The following NCOR2 variants were observed in gnomAD, a reference collection of about 807,000 sequenced individuals.
The protein encoded by NCOR2 is CTG repeat protein 26.
NCOR2 carries 81 observed loss-of-function variants against 262.9 expected under a neutral mutation model. The observed-to-expected ratio is 0.31, with a 90% CI of 0.26 to 0.37. NCOR2 has a LOEUF of 0.37. Among genes scored for constraint, NCOR2 ranks in the 10% least tolerant of loss-of-function variants. The pLI, the probability that NCOR2 is intolerant of heterozygous loss-of-function variation, is 1.00. For synonymous variants in NCOR2, 1,659 were observed against 1,559.3 expected (o/e 1.06, Z -1.51); for missense variants, 3,385 against 3,621.4 (o/e 0.93, Z 1.68).
rs1008797549 is a variant in NCOR2, at chr12:124,389,637, C to T, written c.1877-3750G>A. Reference sequence around the variant, plus strand: ...CTGGCCTGATGCTGCCGAGGCTGACCGAGCCCTCTGTCGGGGACTGTGGGT... The same window carrying T: ...CTGGCCTGATGCTGCCGAGGCTGACTGAGCCCTCTGTCGGGGACTGTGGGT... On this transcript the variant is annotated intron_variant, in intron 16 of 46. Coordinates refer to ENST00000405201, the Ensembl canonical transcript of NCOR2. This position sits in a 1 kb window ranked among gnomAD's most constrained non-coding sequence, Gnocchi z 4.4. 2.0e-5 allele frequency among the ~76,000 whole-genome samples: 3 copies of T among 152,176 alleles called. No individual in the cohort carries two copies. The highest frequency in any genetic ancestry group is 4.8e-5 in the African/African-American group (2 of 41,430).
chr12:124,489,255 TA>T (rs2047947652), intron 1 of NCOR2, among the ~76,000 whole-genome samples: 1 of 152,194 alleles, frequency 6.6e-6, no homozygotes, highest in South Asian at 2.1e-4. Flanking sequence ...ACATTAATCA[TA>T]AAAAACAACA....
At chr12:124,414,715 T>C (rs772550689) in intron 13 of NCOR2, among the ~76,000 whole-genome samples, 1 of 152,142 alleles carries the variant, frequency 6.6e-6, no homozygotes, top group Non-Finnish European at 1.5e-5. Context: ...CTCCTGGCAG[T>C]GGGCACCCTA....
At chr12:124,332,254 T>C (rs964107457) in intron 43 of NCOR2, 65 bp downstream of exon 45, 37 of 1,590,606 alleles carry the variant, frequency 2.3e-5, no homozygotes, top group Middle Eastern at 1.9e-4. Context: ...CGGCTCCAGC[T>C]GCCCAGGCAG....
At chr12:124,391,188 G>A (rs182358972) in intron 16 of NCOR2, among the ~76,000 whole-genome samples, 194 of 152,286 alleles carry the variant, frequency 1.3e-3, no homozygotes, top group Non-Finnish European at 2.4e-3. Context: ...ACTCCGAGGG[G>A]ACCACACCAC....
At chr12:124,541,986 C>A (rs2051380602) in intron 1 of NCOR2, among the ~76,000 whole-genome samples, 1 of 151,286 alleles carries the variant, frequency 6.6e-6, no homozygotes, top group Non-Finnish European at 1.5e-5. Context: ...AGGGGAGCCA[C>A]GTGCTCCAGT....
intron 16 of NCOR2, among the ~76,000 whole-genome samples, chr12:124,390,503 C>G (rs1211836441): frequency 6.6e-6 from 1 of 151,518 alleles, no homozygotes; most frequent in South Asian, 2.1e-4. Context: ...CCTGCCATCC[C>G]AGGGTTTGAT....
intron 9 of NCOR2, among the ~76,000 whole-genome samples, chr12:124,430,160 C>T (rs562884691): frequency 2.0e-5 from 3 of 152,304 alleles, no homozygotes; most frequent in East Asian, 1.9e-4. Context: ...ACCAATGAAT[C>T]GCCTTATCTG....
exon 30 of NCOR2, chr12:124,347,861 T>C: frequency 6.4e-7 from 1 of 1,569,194 alleles, no homozygotes; most frequent in Non-Finnish European, 8.6e-7. Flanking sequence ...TGCTGCTCTT[T>C]GAGGTGGTGG....
Position 124,347,992 on chromosome 12 carries a change from C to T in NCOR2, c.3986-81G>A, listed in dbSNP as rs143775787. ...AGTGACAGGGGTCAGTGTTTACAGCCGCCAGTGGTCATCCCCACGATGATG... is the reference window on the plus strand; with the variant it reads ...AGTGACAGGGGTCAGTGTTTACAGCTGCCAGTGGTCATCCCCACGATGATG... On this transcript the variant is annotated intron_variant, in intron 29 of 46. Coordinates refer to ENST00000405201, the Ensembl canonical transcript of NCOR2. 1.9e-4 allele frequency: 287 copies of T among 1,481,640 alleles called. No individual in the cohort carries two copies. The East Asian group carries it at 5.6e-3, about 29-fold the overall frequency. 91.8% of individuals were successfully genotyped at this position (1,481,640 alleles called of 1,614,324 possible). A position where few individuals can be genotyped will look rare whatever the true frequency, so the allele number is the denominator to read the frequency against.
intron 16 of NCOR2, among the ~76,000 whole-genome samples, chr12:124,392,830 TTCCTGCCTCGC>T (rs2041403655): frequency 6.6e-6 from 1 of 152,218 alleles, no homozygotes; most frequent in African/African-American, 2.4e-5. Flanking sequence ...CAATGGGTGG[TTCCTGCCTCGC>T]TCCTGTGAGA....
intron 8 of NCOR2, among the ~76,000 whole-genome samples, chr12:124,435,848 C>G (rs1427184560): frequency 6.6e-6 from 1 of 152,210 alleles, no homozygotes; most frequent in Non-Finnish European, 1.5e-5. Context: ...CTCAGCTCCA[C>G]CACTTCCCAG....
rs837948 is a variant in NCOR2 at position 124,517,979 on chromosome 12, G to A, written c.-118+17586C>T. 0.28 allele frequency among the ~76,000 whole-genome samples: 42,465 copies of A among 151,658 alleles called. 6,930 individuals carry two copies. The highest frequency in any genetic ancestry group is 0.46 in the East Asian group (2,357 of 5,078). On this transcript the variant is annotated intron_variant, in intron 1 of 46. Coordinates refer to the NCOR2 transcript ENST00000404621. The surrounding 1 kb of genome is among the most constrained non-coding windows in gnomAD (Gnocchi z 7.6). ...GGCCACCACCTCCAGCGACAGAACT[G>A]GGGCTCTTTCCAGATGAATTCCTCG...
chr12:124,324,753 T>C (rs1341641537), exon 47 of NCOR2: 1 of 152,562 alleles, frequency 6.6e-6, no homozygotes, highest in Non-Finnish European at 1.5e-5. Context: ...ATCATTTACA[T>C]CTGCCTTTCC....
chr12:124,340,048 C>A (rs2036323806), exon 37 of NCOR2: 2 of 1,612,744 alleles, frequency 1.2e-6, no homozygotes, highest in African/African-American at 1.3e-5. Flanking sequence ...GGTGATGATA[C>A]CCTTCATGCC....
At chr12:124,345,920 C>A (rs1566373532) in intron 31 of NCOR2, among the ~76,000 whole-genome samples, 1 of 152,152 alleles carries the variant, frequency 6.6e-6, no homozygotes, top group Admixed American at 6.5e-5. Flanking sequence ...CAGTGGCCTT[C>A]AGGGGCTTTC....
At chr12:124,329,360 C>T (rs2034981874) in intron 44 of NCOR2, among the ~76,000 whole-genome samples, 2 of 151,884 alleles carry the variant, frequency 1.3e-5, no homozygotes, top group Admixed American at 1.3e-4. Context: ...ACTTGGGAGG[C>T]TGAGGTGGAA....
chr12:124,343,011 C>T (rs1174763984), exon 33 of NCOR2: 1 of 1,610,872 alleles, frequency 6.2e-7, no homozygotes, highest in South Asian at 1.1e-5. Flanking sequence ...TCACCTGCGT[C>T]CAGAGGGATG....
intron 1 of NCOR2, among the ~76,000 whole-genome samples, chr12:124,558,151 A>G (rs1466273235): frequency 2.0e-5 from 3 of 152,056 alleles, no homozygotes; most frequent in African/African-American, 4.8e-5. Flanking sequence ...CAATGTGAGG[A>G]CAAACAGAGT....
chr12:124,479,013 T>C (rs1147288), intron 3 of NCOR2, among the ~76,000 whole-genome samples: 147,578 of 152,232 alleles, frequency 0.97, 71,606 homozygotes, highest in East Asian at 1. Flanking sequence ...GGAGACCCTC[T>C]AGAACCCACA....
Sources: allele counts gnomAD v4.1 joint callset (sites outside exome capture counted in the v4.1 genomes callset), GRCh38; gene constraint gnomAD v4.1.1; non-coding constraint Gnocchi (gnomAD v3.1); transcripts MANE v1.5; gene names NCBI Gene and HGNC (gene_info 2026-07-23, HGNC 2026-07-21).